Variants in DYNC1I1 observed in about 807,000 individuals in gnomAD.
DYNC1I1 encodes the protein dynein cytoplasmic 1 intermediate chain 1, also known as cytoplasmic dynein 1 intermediate chain 1.
DYNC1I1 carries 43 observed loss-of-function variants against 86.6 expected under a neutral mutation model. The ratio of observed to expected loss-of-function variants is 0.50; its 90% confidence interval spans 0.39 to 0.64. The LOEUF is 0.64. Ranked by LOEUF, DYNC1I1 falls within the 30% of genes least tolerant of loss-of-function variation. The probability of loss-of-function intolerance (pLI) is 0.00; values close to 1 mark genes in which losing one functional copy is unlikely to be tolerated. For synonymous variants in DYNC1I1, 262 were observed against 283.7 expected (o/e 0.92, Z 0.77); for missense variants, 604 against 788.8 (o/e 0.77, Z 2.81).
intron 14 of DYNC1I1, among the ~76,000 whole-genome samples, chr7:96,042,883 C>T (rs1044594297): frequency 1.3e-5 from 2 of 151,906 alleles, no homozygotes; most frequent in Non-Finnish European, 2.9e-5. Flanking sequence ...AAAAATGGGC[C>T]GGGGACTGTG....
chr7:95,819,146 G>A (rs1795017389), intron 4 of DYNC1I1, among the ~76,000 whole-genome samples: 3 of 152,122 alleles, frequency 2.0e-5, no homozygotes, highest in Admixed American at 2.0e-4. Context: ...AGTCTCTTAG[G>A]CTTTCAGCTT....
intron 5 of DYNC1I1, among the ~76,000 whole-genome samples, chr7:95,841,634 A>T (rs1436071203): frequency 6.6e-6 from 1 of 152,182 alleles, no homozygotes; most frequent in African/African-American, 2.4e-5. Context: ...TCCTTCCAGG[A>T]AGAAGCTAAA....
chr7:96,010,356 G>A (rs1388635454), intron 10 of DYNC1I1, among the ~76,000 whole-genome samples: 2 of 152,164 alleles, frequency 1.3e-5, no homozygotes, highest in Non-Finnish European at 2.9e-5. Context: ...CGCATTAGGA[G>A]GGAGGCGACC....
chr7:95,938,471 A>G (rs1792109332), intron 6 of DYNC1I1, among the ~76,000 whole-genome samples: 1 of 152,184 alleles, frequency 6.6e-6, no homozygotes, highest in African/African-American at 2.4e-5. Context: ...AATGCAGGAT[A>G]ATCACATATG....
At chr7:96,077,584 T>G (rs1480097663) in intron 15 of DYNC1I1, among the ~76,000 whole-genome samples, 1 of 152,178 alleles carries the variant, frequency 6.6e-6, no homozygotes, top group Non-Finnish European at 1.5e-5. Flanking sequence ...AGAGTCTTCA[T>G]CACTGTTTAT....
At chr7:95,879,726 A>T (rs1363812507) in intron 6 of DYNC1I1, among the ~76,000 whole-genome samples, 2 of 152,168 alleles carry the variant, frequency 1.3e-5, no homozygotes, top group Non-Finnish European at 2.9e-5. Flanking sequence ...CCTAGGCTTC[A>T]TGGGGGGTAC....
At chr7:95,821,329 T>C (rs1028031345) in intron 4 of DYNC1I1, among the ~76,000 whole-genome samples, 2 of 152,144 alleles carry the variant, frequency 1.3e-5, no homozygotes, top group Non-Finnish European at 2.9e-5. Context: ...ATATGCATAC[T>C]CAGAGAAGAG....
intron 16 of DYNC1I1, among the ~76,000 whole-genome samples, chr7:96,087,704 G>A (rs1161674803): frequency 6.6e-6 from 1 of 152,170 alleles, no homozygotes. Context: ...CTAGATAGCA[G>A]TTGATGGCAT....
At position 96,097,804 on chromosome 7, in the gene DYNC1I1, T is replaced by C; in HGVS notation, c.*211T>C. The C allele has an allele frequency of 3.9e-6, 5 of 1,288,030 alleles. No individual in the cohort carries two copies. The highest frequency in any genetic ancestry group is 3.0e-4 in the Middle Eastern group (1 of 3,290). 79.8% of individuals were successfully genotyped at this position (1,288,030 alleles called of 1,614,324 possible). A position where few individuals can be genotyped will look rare whatever the true frequency, so the allele number is the denominator to read the frequency against. On this transcript the variant is annotated 3_prime_UTR_variant, in exon 17 of 17. Coordinates refer to ENST00000447467, the MANE Select transcript of DYNC1I1 (RefSeq NM_001135556.2). ...ATTCACCACAGCATTTCTATCTTTA[T>C]ATTTCTGTCTCAAAAATGAAGAGAA...
At chr7:96,102,586 T>G (rs995039488), downstream of DYNC1I1, among the ~76,000 whole-genome samples, 3 of 152,222 alleles carry the variant, frequency 2.0e-5, no homozygotes, top group African/African-American at 4.8e-5. Flanking sequence ...CTAAGAATAC[T>G]GCTCTGGTGC....
At chr7:96,069,404 T>A (rs1255596903) in intron 14 of DYNC1I1, among the ~76,000 whole-genome samples, 2 of 152,144 alleles carry the variant, frequency 1.3e-5, no homozygotes, top group East Asian at 3.9e-4. Flanking sequence ...CTGAACCTGG[T>A]TTTGGAGACA....
At chr7:96,022,600 T>C (rs971547629) in intron 10 of DYNC1I1, among the ~76,000 whole-genome samples, 1 of 152,050 alleles carries the variant, frequency 6.6e-6, no homozygotes, top group Admixed American at 6.6e-5. Context: ...TGTTGGCTCA[T>C]ACCTGTAATC....
chr7:95,945,372 T>C (rs1324818574), intron 6 of DYNC1I1, among the ~76,000 whole-genome samples: 2 of 152,192 alleles, frequency 1.3e-5, no homozygotes, highest in Non-Finnish European at 2.9e-5. Flanking sequence ...ACTAAATTTA[T>C]AGCATCTTCT....
At chr7:95,886,449 A>G (rs575954927) in intron 6 of DYNC1I1, among the ~76,000 whole-genome samples, 4 of 151,818 alleles carry the variant, frequency 2.6e-5, no homozygotes, top group Non-Finnish European at 5.9e-5. Context: ...ATAAAGCAAA[A>G]CAAAACAAAC....
intron 5 of DYNC1I1, among the ~76,000 whole-genome samples, chr7:95,832,931 G>C (rs1442738583): frequency 2.6e-5 from 4 of 151,944 alleles, no homozygotes; most frequent in Admixed American, 6.6e-5. Flanking sequence ...CCTGTTCACT[G>C]TGATGGTAGT....
At chr7:96,101,643 C>T (rs1453928633), downstream of DYNC1I1, among the ~76,000 whole-genome samples, 2 of 152,154 alleles carry the variant, frequency 1.3e-5, no homozygotes, top group East Asian at 3.9e-4. Context: ...TTACTAAAGT[C>T]TAGGTCTCAA....
At chr7:95,988,261 C>T (rs761332018) in intron 9 of DYNC1I1, among the ~76,000 whole-genome samples, 1 of 152,158 alleles carries the variant, frequency 6.6e-6, no homozygotes, top group Middle Eastern at 3.4e-3. Flanking sequence ...CCTGTAATCC[C>T]AGCTATTCGG....
rs577812297 is a variant in DYNC1I1 at position 96,032,131 on chromosome 7, C to T, written c.1117-536C>T. Among the ~76,000 whole-genome samples, 10 of 152,204 alleles carry T rather than the reference C, an allele frequency of 6.6e-5. No individual in the cohort carries two copies. The South Asian group carries it at 2.1e-3, about 32-fold the overall frequency. ...CAGGTACATTGTGCCAATAATCTCA[C>T]CACTAGTATCTCTCCCCCAGATTAA... On this transcript the variant is annotated intron_variant, in intron 11 of 16. Coordinates refer to ENST00000447467, the MANE Select transcript of DYNC1I1 (RefSeq NM_001135556.2).
chr7:95,805,363 T>TA (rs1361621436), intron 2 of DYNC1I1, among the ~76,000 whole-genome samples: 2 of 152,116 alleles, frequency 1.3e-5, no homozygotes, highest in African/African-American at 4.8e-5. Context: ...GGTATATATA[T>TA]TTTTTATGGT....
Sources: allele counts gnomAD v4.1 joint callset (sites outside exome capture counted in the v4.1 genomes callset), GRCh38; gene constraint gnomAD v4.1.1; transcripts MANE v1.5; gene names NCBI Gene and HGNC (gene_info 2026-07-23, HGNC 2026-07-21).